Variants in ADGRL2 observed in about 807,000 individuals in gnomAD.
ADGRL2 encodes calcium-independent alpha-latrotoxin receptor 2.
ADGRL2 carries 44 observed loss-of-function variants against 157.4 expected under a neutral mutation model. That is an observed-to-expected ratio of 0.28 (90% confidence interval 0.22 to 0.36). The LOEUF is 0.36. ADGRL2 is among the 10% of genes least tolerant of loss of function. The pLI, the probability that ADGRL2 is intolerant of heterozygous loss-of-function variation, is 1.00. For missense variants in ADGRL2, 1,510 were observed against 1,768.9 expected, an observed-to-expected ratio of 0.85 and a Z score of 2.63; for synonymous variants, 585 against 624.7, an observed-to-expected ratio of 0.94 and a Z score of 0.95.
At chr1:81,748,341 C>T (rs113395989) in intron 1 of ADGRL2, among the ~76,000 whole-genome samples, 10 of 151,520 alleles carry the variant, frequency 6.6e-5, no homozygotes, top group East Asian at 4.0e-4. Flanking sequence ...GCTGGGCACG[C>T]GCCTATAATC....
intron 1 of ADGRL2, among the ~76,000 whole-genome samples, chr1:81,721,121 G>A (rs370233028): frequency 6.1e-5 from 9 of 148,156 alleles, no homozygotes; most frequent in Non-Finnish European, 1.0e-4. Flanking sequence ...ATCCTCCTGC[G>A]TCAGCCTCCC....
chr1:81,885,355 C>T (rs1424948134), intron 2 of ADGRL2, among the ~76,000 whole-genome samples: 5 of 152,046 alleles, frequency 3.3e-5, no homozygotes, highest in East Asian at 1.9e-4. Context: ...TAGACATTAG[C>T]GATTACTGGT....
intron 13 of ADGRL2, among the ~76,000 whole-genome samples, chr1:81,967,507 C>T (rs561095339): frequency 7.2e-5 from 11 of 152,020 alleles, no homozygotes; most frequent in Non-Finnish European, 1.3e-4. Flanking sequence ...GTGATCCGCC[C>T]GCCTCAGCCT....
chr1:81,571,102 A>T (rs1176064911), intron 2 of ADGRL2, among the ~76,000 whole-genome samples: 1 of 152,038 alleles, frequency 6.6e-6, no homozygotes, highest in Non-Finnish European at 1.5e-5. Context: ...AGGCGGGCAG[A>T]TCACCTGAGG....
intron 1 of ADGRL2, among the ~76,000 whole-genome samples, chr1:81,824,948 C>CATCTCT (rs376218878): frequency 7.8e-6 from 1 of 127,904 alleles, no homozygotes; most frequent in Admixed American, 7.8e-5. Context: ...TTTTAATTCT[C>CATCTCT]CTCTCTCTCT....
chr1:81,696,612 T>C (rs866168002), upstream of ADGRL2, among the ~76,000 whole-genome samples: 105 of 151,578 alleles, frequency 6.9e-4, no homozygotes, highest in African/African-American at 8.7e-4. Flanking sequence ...ATTAGCCGGG[T>C]GTGGTGGCGG....
chr1:81,330,472 A>G (rs1473003764), intron 1 of ADGRL2, among the ~76,000 whole-genome samples: 1 of 152,200 alleles, frequency 6.6e-6, no homozygotes, highest in African/African-American at 2.4e-5. Context: ...TAATTTCTCT[A>G]ACTACAATCC....
intron 1 of ADGRL2, among the ~76,000 whole-genome samples, chr1:81,708,373 C>A (rs545691071): frequency 6.6e-6 from 1 of 152,050 alleles, no homozygotes; most frequent in East Asian, 1.9e-4. Flanking sequence ...GAAAAATGTG[C>A]CTTTGTGTAT....
intron 3 of ADGRL2, among the ~76,000 whole-genome samples, chr1:81,924,778 A>G (rs1189068912): frequency 6.6e-6 from 1 of 151,998 alleles, no homozygotes; most frequent in Admixed American, 6.6e-5. Flanking sequence ...ACCTGTCTCA[A>G]CTTCTATTTC....
At chr1:81,743,393 G>GT (rs5775639) in intron 1 of ADGRL2, among the ~76,000 whole-genome samples, 56,081 of 136,530 alleles carry the variant, frequency 0.41, 11,552 homozygotes, top group Admixed American at 0.48. Context: ...ATAACAGAAG[G>GT]TTTTTTTTTT....
chr1:81,650,395 A>G (rs983224254), intron 3 of ADGRL2, among the ~76,000 whole-genome samples: 3 of 151,572 alleles, frequency 2.0e-5, no homozygotes, highest in Non-Finnish European at 4.4e-5. Flanking sequence ...CATGGTAAAA[A>G]AAACCCCATC....
chr1:81,490,946 T>C (rs1436383338), intron 2 of ADGRL2, among the ~76,000 whole-genome samples: 4 of 152,208 alleles, frequency 2.6e-5, no homozygotes, highest in Non-Finnish European at 5.9e-5. Flanking sequence ...TAAGGCACTA[T>C]TGACCTTGTG....
chr1:81,698,667 C>G (rs1003939180), upstream of ADGRL2, among the ~76,000 whole-genome samples: 7 of 152,172 alleles, frequency 4.6e-5, no homozygotes, highest in African/African-American at 1.7e-4. Context: ...AATCCCACCT[C>G]TAGAGTACAG....
At chr1:81,737,335 G>T (rs906781258) in intron 1 of ADGRL2, among the ~76,000 whole-genome samples, 4 of 152,230 alleles carry the variant, frequency 2.6e-5, no homozygotes, top group Admixed American at 6.5e-5. Flanking sequence ...TGAAGAGGAA[G>T]CAGGCGTGTC....
chr1:81,693,880 T>G (rs910847087), intron 3 of ADGRL2, among the ~76,000 whole-genome samples: 1 of 152,110 alleles, frequency 6.6e-6, no homozygotes, highest in Non-Finnish European at 1.5e-5. Flanking sequence ...CCCACAAACA[T>G]TTTTTGATAT....
chr1:81,858,156 T>C (rs180863697), intron 2 of ADGRL2, among the ~76,000 whole-genome samples: 2 of 152,176 alleles, frequency 1.3e-5, no homozygotes. Flanking sequence ...CAGTTAGTTC[T>C]GGCCACTAAA....
intron 3 of ADGRL2, among the ~76,000 whole-genome samples, chr1:81,635,660 G>T (rs1374375133): frequency 6.6e-6 from 1 of 152,034 alleles, no homozygotes; most frequent in African/African-American, 2.4e-5. Context: ...TTTTATAAGG[G>T]CCCCAATCCC....
At chr1:81,730,740 AT>A (rs2084694558) in intron 1 of ADGRL2, among the ~76,000 whole-genome samples, 1 of 150,296 alleles carries the variant, frequency 6.7e-6, no homozygotes, top group Non-Finnish European at 1.5e-5. Context: ...AAAAAAAAAA[AT>A]AGTCCTCAGT....
chr1:81,602,225 T>G (rs555901369), intron 3 of ADGRL2, among the ~76,000 whole-genome samples: 1 of 152,200 alleles, frequency 6.6e-6, no homozygotes, highest in South Asian at 2.1e-4. Context: ...TTTGGGAGGC[T>G]GAGGTGGGTG....
Sources: gnomAD v4.1 joint callset for allele counts (sites outside exome capture counted in the v4.1 genomes callset) on GRCh38, gnomAD v4.1.1 for gene constraint, MANE v1.5 for transcripts, NCBI Gene and HGNC (gene_info 2026-07-23, HGNC 2026-07-21) for gene names.